Variants in FBN3 observed in about 807,000 individuals in gnomAD.
FBN3 encodes the protein fibrillin-3.
Under a neutral mutation model 330.1 loss-of-function variants are expected in FBN3, and 234 were observed. The ratio of observed to expected loss-of-function variants is 0.71; its 90% CI spans 0.64 to 0.79. The LOEUF (loss-of-function observed/expected upper bound fraction) is 0.79. Among genes scored for constraint, FBN3 ranks in the 30% least tolerant of loss-of-function variants. FBN3 has a pLI of 0.00. For missense variants in FBN3, 3,606 were observed against 3,886.9 expected (o/e 0.93, Z 1.92); for synonymous variants, 1,458 against 1,517.3 (o/e 0.96, Z 0.91).
At chr19:8,135,935 T>TGGGGGGGGGGGGGGGC in intron 13 of FBN3, 26 bp downstream of exon 13, 8 of 1,344,152 alleles carry the variant, frequency 6.0e-6, no homozygotes, top group East Asian at 2.7e-5. Flanking sequence ...CGGAAGCCCC[T>TGGGGGGGGGGGGGGGC]GCCCACCCGC....
chr19:8,142,098 T>A lies in FBN3; in HGVS notation c.581A>T (p.Glu194Val). The change falls in exon 7 of 64, where the codon GAG becomes GTG. Residue 194 changes from glutamate to valine, a missense_variant. Glu to Val is a moderately radical substitution (Grantham distance 121). Coordinates refer to ENST00000600128, the MANE Select transcript of FBN3 (RefSeq NM_032447.5). ...GCCCGTCAGCTGATGCTGGCACCCC[T>A]CGGGGCCTACTTGGCCAAAGCAGGG... ...TGPCFGQVGP[E>V]GCQHQLTGLV... The A allele has an allele frequency of 6.2e-7, 1 of 1,613,164 alleles. No individual in the cohort carries two copies. Among genetic ancestry groups the A allele is most frequent in the East Asian group, 2.2e-5 (1 of 44,844 alleles).
chr19:8,069,771 G>A (rs1029090046), intron 63 of FBN3, among the ~76,000 whole-genome samples: 16 of 152,110 alleles, frequency 1.1e-4, no homozygotes, highest in African/African-American at 3.9e-4. Flanking sequence ...CTTTTTGTAG[G>A]TGGAGGGGGT....
At chr19:8,068,997 T>C (rs1457747306) in intron 63 of FBN3, among the ~76,000 whole-genome samples, 2 of 152,118 alleles carry the variant, frequency 1.3e-5, no homozygotes, top group East Asian at 3.8e-4. Flanking sequence ...TCAGATGACA[T>C]TGCGACCCAG....
intron 30 of FBN3, among the ~76,000 whole-genome samples, chr19:8,112,830 C>T (rs1217007515): frequency 6.6e-6 from 1 of 152,200 alleles, no homozygotes; most frequent in Non-Finnish European, 1.5e-5. Flanking sequence ...CTTTCCCACA[C>T]TTCTGTTTTC....
chr19:8,123,675 C>T (rs1348003858), intron 23 of FBN3, 86 bp from the exon 24 acceptor site: 3 of 1,597,612 alleles, frequency 1.9e-6, no homozygotes, highest in East Asian at 2.2e-5. Context: ...TAGTGCCTCG[C>T]CTTACCCACA....
chr19:8,137,706 G>A (rs2083320710), intron 10 of FBN3, among the ~76,000 whole-genome samples: 1 of 151,988 alleles, frequency 6.6e-6, no homozygotes, highest in Non-Finnish European at 1.5e-5. Context: ...ACAGCTCACT[G>A]CAGCTTCCAA....
At chr19:8,135,936 G>GGGGGGGGGGGGGGGGGGGCCCCC in intron 13 of FBN3, 25 bp downstream of exon 13, 15 of 668,758 alleles carry the variant, frequency 2.2e-5, no homozygotes, top group East Asian at 3.9e-5. Context: ...GGAAGCCCCT[G>GGGGGGGGGGGGGGGGGGGCCCCC]CCCACCCGCC....
At chr19:8,134,708 C>T (rs189779718) in intron 13 of FBN3, among the ~76,000 whole-genome samples, 12 of 151,454 alleles carry the variant, frequency 7.9e-5, no homozygotes, top group Admixed American at 4.6e-4. Context: ...CCAAGGCGGG[C>T]GGATCACCTG....
In FBN3 at chr19:8,123,517, T is replaced by C; in HGVS notation, c.3029A>G (p.His1010Arg). 10 of 1,614,124 alleles carry C rather than the reference T, an allele frequency of 6.2e-6. No homozygotes were observed. The highest frequency in any genetic ancestry group is 8.5e-6 in the Non-Finnish European group (10 of 1,180,000). Residue 1010 changes from histidine to arginine, a missense_variant, in exon 24 of 64, where the codon CAC (histidine) becomes CGC (arginine). His to Arg is a conservative substitution (Grantham distance 29). Transcript: ENST00000600128. The stretch of plus-strand genomic sequence containing the variant: ...GGCGAAGCCCCCCGCACAGGCGCAG[T>C]GGAAGCTGCCCACCGTGTTTCTGCA... ...GTCRNTVGSF[H>R]CACAGGFALD... is the part of the protein sequence containing the mutation.
At chr19:8,099,528 C>T (rs140872186) in intron 41 of FBN3, among the ~76,000 whole-genome samples, 16,537 of 151,416 alleles carry the variant, frequency 0.11, 1,196 homozygotes, top group East Asian at 0.26. Context: ...GATCCGCCTG[C>T]CTCGGCCTCC....
Position 8,087,093 on chromosome 19 carries a change from AGAGCCAGGCAG to A in FBN3, c.6727_6737del (p.Leu2243TrpfsTer7). 1 of 1,609,158 alleles carries A rather than the reference AGAGCCAGGCAG, an allele frequency of 6.2e-7. No individual in the cohort carries two copies. The highest frequency in any genetic ancestry group is 8.5e-7 in the Non-Finnish European group (1 of 1,179,298). On this transcript the variant is annotated frameshift_variant, in exon 54 of 64. Transcript: ENST00000600128. LOFTEE classifies it high-confidence loss of function. ...GCCCCATACCTGTGCAGCCCTCCCC[AGAGCCAGGCAG>A]GGGCCGCATGCCTGGGGGACAGACG...
In FBN3 at chr19:8,109,350, G is replaced by A. The variant is rs1412322599; in HGVS notation, c.4495C>T (p.Arg1499Ter). 9 of 1,614,024 alleles carry A rather than the reference G, an allele frequency of 5.6e-6. 1 individual carries two copies. The highest frequency in any genetic ancestry group is 5.3e-5 in the African/African-American group (4 of 74,888). ...CTGCAGGAAATGCCACTGTCCCCTC[G>A]GTCATGCGTCTCCAGGAAACAGTTC... is the stretch of plus-strand genomic sequence containing the variant. ...AGNCFLETHD[R>*]GDSGISCSAE... The change falls in exon 36 of 64, where the codon CGA becomes TGA. Residue 1499 changes from arginine to a stop codon, truncating the protein, a stop_gained. Coordinates refer to ENST00000600128, the MANE Select transcript of FBN3 (RefSeq NM_032447.5). LOFTEE classifies it high-confidence loss of function. The surrounding 1 kb of genome is among the most constrained non-coding windows in gnomAD (Gnocchi z 5.2).
At position 8,131,477 on chromosome 19, in the gene FBN3, AC is replaced by A; in HGVS notation, c.1990+76del. The A allele has an allele frequency of 2.6e-6, 4 of 1,530,732 alleles. No individual in the cohort carries two copies. The highest frequency in any genetic ancestry group is 2.7e-6 in the Non-Finnish European group (3 of 1,128,356). The allele number at this position is 1,530,732 out of a possible 1,614,324, so 94.8% of individuals were successfully genotyped here. A position where few individuals can be genotyped will look rare whatever the true frequency, so the allele number is the denominator to read the frequency against. ...GAGCCCCCACTCCATGGCAGCCATG[AC>A]CCCCCACCAGAAGCGAGAACCGATG... On this transcript the variant is annotated intron_variant, in intron 15 of 63. Transcript: ENST00000600128. The surrounding 1 kb of genome is among the most constrained non-coding windows in gnomAD (Gnocchi z 4.5).
intron 10 of FBN3, among the ~76,000 whole-genome samples, chr19:8,137,502 C>G (rs1016464825): frequency 2.0e-5 from 3 of 152,178 alleles, no homozygotes; most frequent in Admixed American, 2.0e-4. Context: ...GACTCCCACT[C>G]TGGGCCCAAA....
At chr19:8,141,398 C>G (rs1289021103) in intron 8 of FBN3, among the ~76,000 whole-genome samples, 1 of 150,062 alleles carries the variant, frequency 6.7e-6, no homozygotes, top group Admixed American at 6.7e-5. Flanking sequence ...GAGAGACAGA[C>G]AGCTGAACAA....
intron 57 of FBN3, among the ~76,000 whole-genome samples, chr19:8,082,923 C>A (rs1012364526): frequency 1.9e-4 from 29 of 151,786 alleles, no homozygotes; most frequent in Non-Finnish European, 3.1e-4. Flanking sequence ...TGAGCTCAAG[C>A]AGCCTCCCAA....
chr19:8,128,490 G>T (rs1307653974), intron 18 of FBN3, among the ~76,000 whole-genome samples: 2 of 151,798 alleles, frequency 1.3e-5, no homozygotes, highest in African/African-American at 2.4e-5. Context: ...CTTGAACTAG[G>T]AGGCAGAGGT....
intron 54 of FBN3, among the ~76,000 whole-genome samples, chr19:8,086,824 A>G (rs1237813364): frequency 1.3e-5 from 2 of 150,958 alleles, no homozygotes; most frequent in Admixed American, 6.6e-5. Context: ...TCCAGGCTGG[A>G]GTGCAGCGGC....
In FBN3 at chr19:8,126,981, G is replaced by A. The variant is rs184290241; in HGVS notation, c.2297-149C>T. 377 of 782,546 alleles carry A rather than the reference G, an allele frequency of 4.8e-4. 5 individuals are homozygous for A. Among genetic ancestry groups the A allele is most frequent in the Non-Finnish European group, 9.7e-6 (5 of 516,876 alleles). The allele number at this position is 782,546 out of a possible 1,614,324, so 48.5% of individuals were successfully genotyped here. ...TGCAGAGGGCACTGGAATCAAATGT[G>A]CATGCAAGCACATGTGTGTGCTGAG... On this transcript the variant is annotated intron_variant, in intron 18 of 63. Coordinates refer to ENST00000600128, the MANE Select transcript of FBN3 (RefSeq NM_032447.5).
Sources: gnomAD v4.1 joint callset for allele counts (sites outside exome capture counted in the v4.1 genomes callset) on GRCh38, gnomAD v4.1.1 for gene constraint, Gnocchi (gnomAD v3.1) non-coding constraint, MANE v1.5 for transcripts, NCBI Gene and HGNC (gene_info 2026-07-23, HGNC 2026-07-21) for gene names.